STK39: variants seen among roughly 807,000 people sequenced by gnomAD.
STK39 encodes STE20/SPS1-related proline-alanine-rich protein kinase.
In STK39, 20 loss-of-function variants were observed where a neutral mutation model predicts 77.8. That is an observed-to-expected ratio of 0.26 (90% CI 0.18 to 0.37). The LOEUF is 0.37. Ranked by LOEUF, STK39 falls within the 10% of genes least tolerant of loss-of-function variation. STK39 has a pLI of 1.00. For missense variants in STK39, 479 were observed against 656.5 expected, an observed-to-expected ratio of 0.73 and a Z score of 2.95; for synonymous variants, 246 against 234.1, an observed-to-expected ratio of 1.05 and a Z score of -0.47.
At chr2:168,050,700 G>A (rs1685372652) in intron 14 of STK39, among the ~76,000 whole-genome samples, 1 of 152,202 alleles carries the variant, frequency 6.6e-6, no homozygotes, top group Non-Finnish European at 1.5e-5. Context: ...AAGGAATGCA[G>A]CCCTATAGAC....
chr2:168,019,324 T>C (rs4549047), intron 14 of STK39, among the ~76,000 whole-genome samples: 20,237 of 152,184 alleles, frequency 0.13, 2,929 homozygotes, highest in African/African-American at 0.35. Flanking sequence ...CTTTATGCCA[T>C]TATATTGTTG....
At chr2:167,960,094 A>C (rs937749581) in intron 17 of STK39, among the ~76,000 whole-genome samples, 5 of 152,196 alleles carry the variant, frequency 3.3e-5, no homozygotes, top group African/African-American at 4.8e-5. Flanking sequence ...CAGCAGATGC[A>C]GGAAGGGCCC....
chr2:168,062,312 T>C (rs371054100), intron 14 of STK39, among the ~76,000 whole-genome samples: 1 of 152,160 alleles, frequency 6.6e-6, no homozygotes, highest in African/African-American at 2.4e-5. Context: ...ACAAGTAAAA[T>C]ATAAATGAAA....
chr2:168,038,142 T>C (rs1205329542), intron 14 of STK39, among the ~76,000 whole-genome samples: 1 of 152,148 alleles, frequency 6.6e-6, no homozygotes, highest in African/African-American at 2.4e-5. Context: ...GAGTCTATGG[T>C]ATAATTAAAA....
At chr2:168,139,411 T>C (rs1188562758) in intron 7 of STK39, among the ~76,000 whole-genome samples, 1 of 149,676 alleles carries the variant, frequency 6.7e-6, no homozygotes, top group Non-Finnish European at 1.5e-5. Flanking sequence ...AAAAAATTTA[T>C]ATATATATAT....
intron 10 of STK39, among the ~76,000 whole-genome samples, chr2:168,119,216 T>G (rs1343737814): frequency 6.6e-6 from 1 of 152,180 alleles, no homozygotes; most frequent in African/African-American, 2.4e-5. Context: ...GGGAGTATTT[T>G]ATATTAAACC....
At chr2:168,127,034 A>G (rs900660586) in intron 10 of STK39, among the ~76,000 whole-genome samples, 7 of 152,242 alleles carry the variant, frequency 4.6e-5, no homozygotes, top group Non-Finnish European at 1.0e-4. Context: ...AAATGGCAGA[A>G]GACATGGTTG....
At chr2:168,071,000 C>G (rs552730727) in intron 12 of STK39, among the ~76,000 whole-genome samples, 1 of 152,130 alleles carries the variant, frequency 6.6e-6, no homozygotes, top group African/African-American at 2.4e-5. Flanking sequence ...TGACAAACAT[C>G]CCACTCTGGC....
At chr2:168,169,631 C>CGTCTGTGTGTGTGTGT (rs1553537543) in intron 2 of STK39, among the ~76,000 whole-genome samples, 5 of 145,828 alleles carry the variant, frequency 3.4e-5, no homozygotes, top group African/African-American at 1.3e-4. Flanking sequence ...TTGCAGTGAG[C>CGTCTGTGTGTGTGTGT]GTGTGTGTGT....
At chr2:168,144,641 A>AT (rs1553534599) in intron 5 of STK39, among the ~76,000 whole-genome samples, 50 of 149,070 alleles carry the variant, frequency 3.4e-4, no homozygotes, top group African/African-American at 4.7e-4. Flanking sequence ...TATAAGACTC[A>AT]TTTTTTTTTT....
intron 14 of STK39, among the ~76,000 whole-genome samples, chr2:168,030,953 G>T (rs6433030): frequency 6.6e-6 from 1 of 152,144 alleles, no homozygotes; most frequent in East Asian, 1.9e-4. Context: ...CCAGGAGACC[G>T]GATGAGGACA....
intron 10 of STK39, among the ~76,000 whole-genome samples, chr2:168,094,413 C>T (rs1437277712): frequency 1.3e-5 from 2 of 152,220 alleles, no homozygotes; most frequent in Non-Finnish European, 2.9e-5. Flanking sequence ...ACCTCAGAAG[C>T]CTCTGCACAT....
intron 1 of STK39, among the ~76,000 whole-genome samples, chr2:168,213,162 A>G (rs1401351891): frequency 1.3e-5 from 2 of 152,232 alleles, no homozygotes; most frequent in African/African-American, 2.4e-5. Flanking sequence ...ATGTCTAACA[A>G]GGTAGATAGA....
chr2:168,196,886 G>A (rs1251402033), intron 1 of STK39, among the ~76,000 whole-genome samples: 2 of 152,120 alleles, frequency 1.3e-5, no homozygotes, highest in Non-Finnish European at 2.9e-5. Context: ...AGACAGAGGC[G>A]GTGTGGCTGG....
chr2:167,968,566 G>A (rs182981042), intron 16 of STK39, among the ~76,000 whole-genome samples: 2 of 152,240 alleles, frequency 1.3e-5, no homozygotes, highest in East Asian at 1.9e-4. Context: ...CAGTGAACAC[G>A]GAGTCTAATG....
chr2:168,121,293 C>T (rs1687398923), intron 10 of STK39, among the ~76,000 whole-genome samples: 1 of 152,210 alleles, frequency 6.6e-6, no homozygotes, highest in South Asian at 2.1e-4. Flanking sequence ...ACCTGCTCTA[C>T]CTGTCTTCAA....
chr2:168,018,498 TAAGAAAAGAAAGAAAAGAAAGAAAAGA>T (rs937163884), intron 14 of STK39, among the ~76,000 whole-genome samples: 2 of 105,028 alleles, frequency 1.9e-5, no homozygotes, highest in Admixed American at 2.1e-4. Context: ...ATCTCATTTT[TAAGAAAAGAAAGAAAAGAAAGAAAAGA>T]AAGAAAAGAA....
chr2:168,146,723 A>G (rs1044588527), intron 5 of STK39, among the ~76,000 whole-genome samples: 1 of 152,222 alleles, frequency 6.6e-6, no homozygotes, highest in Non-Finnish European at 1.5e-5. Flanking sequence ...GAAGAACAAC[A>G]TTTGGAAAAA....
chr2:168,088,593 C>T (rs1371743134), intron 10 of STK39, among the ~76,000 whole-genome samples: 1 of 152,086 alleles, frequency 6.6e-6, no homozygotes, highest in Admixed American at 6.5e-5. Context: ...TAATTCAAAT[C>T]CATATTATGG....
Sources: gnomAD v4.1 joint callset for allele counts (sites outside exome capture counted in the v4.1 genomes callset) on GRCh38, gnomAD v4.1.1 for gene constraint, MANE v1.5 for transcripts, NCBI Gene and HGNC (gene_info 2026-07-23, HGNC 2026-07-21) for gene names.